ADAMTS2: variants seen among roughly 807,000 people sequenced by gnomAD.
The protein encoded by ADAMTS2 is A disintegrin and metalloproteinase with thrombospondin motifs 2.
In ADAMTS2, 50 loss-of-function variants were observed where a neutral mutation model predicts 123.0. That is an observed-to-expected ratio of 0.41 (90% CI 0.32 to 0.51). The LOEUF (loss-of-function observed/expected upper bound fraction) is 0.51. Ranked by LOEUF, ADAMTS2 falls within the 20% of genes least tolerant of loss-of-function variation. The probability of loss-of-function intolerance (pLI) is 0.35; values close to 1 mark genes in which losing one functional copy is unlikely to be tolerated. For synonymous variants in ADAMTS2, 678 were observed against 695.4 expected (o/e 0.98, Z 0.39); for missense variants, 1,494 against 1,705.2 (o/e 0.88, Z 2.18).
chr5:179,277,096 G>A (rs942828660), intron 2 of ADAMTS2, among the ~76,000 whole-genome samples: 3 of 152,062 alleles, frequency 2.0e-5, no homozygotes, highest in African/African-American at 7.2e-5. Flanking sequence ...CACCCCTGCA[G>A]GCGACTCCTC....
Position 179,181,910 on chromosome 5 carries a change from GA to G in ADAMTS2, c.892-756del, listed in dbSNP as rs1268202389. 6.6e-6 allele frequency among the ~76,000 whole-genome samples: 1 copy of G among 152,106 alleles called. No homozygotes were observed. The highest frequency in any genetic ancestry group is 1.5e-5 in the Non-Finnish European group (1 of 68,022). On this transcript the variant is annotated intron_variant, in intron 4 of 21. Transcript: ENST00000251582. This position sits in a 1 kb window ranked among gnomAD's most constrained non-coding sequence, Gnocchi z 4.1. Reference sequence around the variant, plus strand: ...AGAACACAGCCAGCAAGACCCTCCAGAAACATAGGTCAGGTTATCCCGGGCT... The same window carrying G: ...AGAACACAGCCAGCAAGACCCTCCAGAACATAGGTCAGGTTATCCCGGGCT...
chr5:179,274,723 C>T (rs2013411), intron 2 of ADAMTS2, among the ~76,000 whole-genome samples: 47,703 of 152,166 alleles, frequency 0.31, 8,813 homozygotes, highest in Non-Finnish European at 0.39. Flanking sequence ...GCCTGCTGGG[C>T]GGCTGCCCCT....
intron 2 of ADAMTS2, among the ~76,000 whole-genome samples, chr5:179,330,691 G>T (rs1056346722): frequency 2.6e-5 from 4 of 152,148 alleles, no homozygotes; most frequent in African/African-American, 7.2e-5. Context: ...TGGCCACCTT[G>T]CCCAGCACAC....
intron 4 of ADAMTS2, among the ~76,000 whole-genome samples, chr5:179,182,829 C>G (rs958015762): frequency 1.2e-4 from 19 of 152,092 alleles, no homozygotes; most frequent in African/African-American, 4.1e-4. Context: ...GAGGGTGGGT[C>G]AGCAACCCCT....
chr5:179,134,539 T>C (rs1392688576), intron 13 of ADAMTS2, among the ~76,000 whole-genome samples: 1 of 152,172 alleles, frequency 6.6e-6, no homozygotes, highest in Non-Finnish European at 1.5e-5. Context: ...CTCAGTGACA[T>C]TGGCCTCCCC....
At chr5:179,249,138 C>T (rs1353469023) in intron 3 of ADAMTS2, among the ~76,000 whole-genome samples, 1 of 151,900 alleles carries the variant, frequency 6.6e-6, no homozygotes, top group African/African-American at 2.4e-5. Flanking sequence ...TCTTAAAGAA[C>T]CATTAGGTCA....
Position 179,285,117 on chromosome 5 carries a change from A to G in ADAMTS2, c.535-12053T>C, listed in dbSNP as rs563566002. Among the ~76,000 whole-genome samples, 7 of 152,226 alleles carry G rather than the reference A, an allele frequency of 4.6e-5. No homozygotes were observed. Among genetic ancestry groups the G allele is most frequent in the Non-Finnish European group, 1.0e-4 (7 of 68,040 alleles). ...TCAGCCGACTGGCAGCACCATCACC[A>G]TCATGATGATCATGGCATGACAGCT... is the stretch of plus-strand genomic sequence containing the variant. On this transcript the variant is annotated intron_variant, in intron 2 of 21. Coordinates refer to ENST00000251582, the MANE Select transcript of ADAMTS2 (RefSeq NM_014244.5). The surrounding 1 kb of genome is among the most constrained non-coding windows in gnomAD (Gnocchi z 4.9).
Position 179,345,063 on chromosome 5 carries a change from C to T in ADAMTS2, c.139+127G>A. The T allele has an allele frequency of 1.3e-6, 1 of 749,756 alleles. No homozygotes were observed. The highest frequency in any genetic ancestry group is 1.7e-6 in the Non-Finnish European group (1 of 603,934). 46.4% of individuals were successfully genotyped at this position (749,756 alleles called of 1,614,324 possible). On this transcript the variant is annotated intron_variant, in intron 1 of 21. Coordinates refer to ENST00000251582, the MANE Select transcript of ADAMTS2 (RefSeq NM_014244.5). This position sits in a 1 kb window ranked among gnomAD's most constrained non-coding sequence, Gnocchi z 7.5. The stretch of plus-strand genomic sequence containing the variant: ...CCGGCCCCGAAGTTGGCCAACTTGG[C>T]CCCGGGCGGGGCGCGCGGAGTTTGC...
chr5:179,138,116 G>A (rs763420827), intron 11 of ADAMTS2, among the ~76,000 whole-genome samples, 172 bp from the exon 12 acceptor site: 1 of 151,878 alleles, frequency 6.6e-6, no homozygotes, highest in Non-Finnish European at 1.5e-5. Context: ...GACCTGGGCA[G>A]TTGTCCAGCC....
intron 4 of ADAMTS2, 42 bp downstream of exon 4, chr5:179,207,471 A>AGC: frequency 9.7e-6 from 10 of 1,026,462 alleles, no homozygotes; most frequent in Non-Finnish European, 1.2e-5. Flanking sequence ...CCCCTGGTTG[A>AGC]CCCTCCCCGC....
intron 20 of ADAMTS2, among the ~76,000 whole-genome samples, chr5:179,122,407 G>A (rs879612509): frequency 2.0e-5 from 3 of 152,186 alleles, no homozygotes; most frequent in Non-Finnish European, 4.4e-5. Flanking sequence ...TGCTGTCACC[G>A]TGAGTCTGCA....
In ADAMTS2 at chr5:179,273,069, G is replaced by T. The variant is rs772473736; in HGVS notation, c.535-5C>A. The T allele has an allele frequency of 6.2e-7, 1 of 1,613,532 alleles. No individual in the cohort carries two copies. Among genetic ancestry groups the T allele is most frequent in the Non-Finnish European group, 8.5e-7 (1 of 1,180,018 alleles). On this transcript the variant is annotated splice_polypyrimidine_tract_variant and splice_region_variant and intron_variant, in intron 2 of 21. Coordinates refer to ENST00000251582, the MANE Select transcript of ADAMTS2 (RefSeq NM_014244.5). The stretch of plus-strand genomic sequence containing the variant: ...CTCCATCCGGATCAGACCAGCCTGC[G>T]GGACAAAGACAACAGGATCAGATTT...
At chr5:179,238,570 C>T (rs1451586579) in intron 3 of ADAMTS2, among the ~76,000 whole-genome samples, 2 of 151,978 alleles carry the variant, frequency 1.3e-5, no homozygotes, top group African/African-American at 4.8e-5. Flanking sequence ...AGCAAAGACT[C>T]GAATGAGGTG....
chr5:179,309,757 CAAAAAAAAA>C (rs34487269), intron 2 of ADAMTS2, among the ~76,000 whole-genome samples: 1 of 44,448 alleles, frequency 2.2e-5, no homozygotes, highest in African/African-American at 7.4e-5. Context: ...ACTCAGTCTC[CAAAAAAAAA>C]AAAAAAAAAA....
Position 179,203,521 on chromosome 5 carries a change from G to A in ADAMTS2, c.891+3992C>T, listed in dbSNP as rs191327391. Among the ~76,000 whole-genome samples the A allele has an allele frequency of 3.2e-4, 49 of 152,352 alleles. No homozygotes were observed. The East Asian group carries it at 8.5e-3, about 26-fold the overall frequency. Reference sequence around the variant, plus strand: ...GCCAGGCCTTAGAGGGCCACTTGGGGTTGTGGTTCGAGGCCCCCATAGCAC... The same window carrying A: ...GCCAGGCCTTAGAGGGCCACTTGGGATTGTGGTTCGAGGCCCCCATAGCAC... On this transcript the variant is annotated intron_variant, in intron 4 of 21. Transcript: ENST00000251582.
In ADAMTS2 at chr5:179,113,586, C is replaced by A; in HGVS notation, c.*281G>T. 2 of 491,444 alleles carry A rather than the reference C, an allele frequency of 4.1e-6. No homozygotes were observed. Among genetic ancestry groups the A allele is most frequent in the South Asian group, 4.3e-5 (2 of 47,038 alleles). 30.4% of individuals were successfully genotyped at this position (491,444 alleles called of 1,614,324 possible). On this transcript the variant is annotated 3_prime_UTR_variant, in exon 22 of 22. Coordinates refer to ENST00000251582, the MANE Select transcript of ADAMTS2 (RefSeq NM_014244.5). ...GTTCTCTCAGAGTGATCCCTCTTGCCCTGCCCTCACTGAGGGAGGCCATAC... is the reference window on the plus strand; with the variant it reads ...GTTCTCTCAGAGTGATCCCTCTTGCACTGCCCTCACTGAGGGAGGCCATAC...
At chr5:179,245,458 A>G (rs867886627) in intron 3 of ADAMTS2, among the ~76,000 whole-genome samples, 2 of 152,222 alleles carry the variant, frequency 1.3e-5, no homozygotes, top group South Asian at 4.1e-4. Flanking sequence ...CAAGTTGCAC[A>G]GCAAGAACAG....
intron 11 of ADAMTS2, 107 bp from the exon 12 acceptor site, chr5:179,138,051 C>CG (rs1561773847): frequency 5.4e-6 from 7 of 1,290,978 alleles, no homozygotes; most frequent in East Asian, 5.1e-5. Flanking sequence ...CTCAGGTGTC[C>CG]GGGGGGCAGC....
At chr5:179,271,415 C>T (rs1468118285) in intron 3 of ADAMTS2, among the ~76,000 whole-genome samples, 2 of 152,216 alleles carry the variant, frequency 1.3e-5, no homozygotes, top group African/African-American at 4.8e-5. Context: ...AGCCCCTGAG[C>T]TCTCGGGGAC....
Sources: allele counts gnomAD v4.1 joint callset (sites outside exome capture counted in the v4.1 genomes callset), GRCh38; gene constraint gnomAD v4.1.1; non-coding constraint Gnocchi (gnomAD v3.1); transcripts MANE v1.5; gene names NCBI Gene and HGNC (gene_info 2026-07-23, HGNC 2026-07-21).